The following LDLRAD3 variants were observed in gnomAD, a reference collection of about 807,000 sequenced individuals.
The protein encoded by LDLRAD3 is low-density lipoprotein receptor class A domain-containing protein 3.
LDLRAD3 carries 20 observed loss-of-function variants against 29.4 expected under a neutral mutation model. The ratio of observed to expected loss-of-function variants is 0.68; its 90% confidence interval spans 0.48 to 0.99. LDLRAD3 has a LOEUF of 0.99. Ranked by LOEUF, LDLRAD3 falls within the 50% of genes least tolerant of loss-of-function variation. LDLRAD3 has a pLI of 0.00. For missense variants in LDLRAD3, 420 were observed against 454.3 expected (o/e 0.92, Z 0.69); for synonymous variants, 157 against 192.7 (o/e 0.81, Z 1.53).
intron 1 of LDLRAD3, among the ~76,000 whole-genome samples, chr11:35,981,677 C>T (rs1851543707): frequency 5.3e-5 from 8 of 152,138 alleles, no homozygotes. Flanking sequence ...TCCTTGCCTG[C>T]AGTTTGCCAA....
At chr11:36,144,855 G>A (rs1854153259) in intron 4 of LDLRAD3, among the ~76,000 whole-genome samples, 2 of 119,588 alleles carry the variant, frequency 1.7e-5, no homozygotes, top group African/African-American at 6.1e-5. Context: ...AGGGAGGTGG[G>A]GGGGTCAGCC....
intron 1 of LDLRAD3, among the ~76,000 whole-genome samples, chr11:35,969,508 T>C (rs1462097698): frequency 6.6e-6 from 1 of 152,180 alleles, no homozygotes; most frequent in East Asian, 1.9e-4. Context: ...GCGTTTTGGT[T>C]TCCACCGAGC....
chr11:36,191,538 G>A (rs11599931), intron 4 of LDLRAD3, among the ~76,000 whole-genome samples: 1 of 55,694 alleles, frequency 1.8e-5, no homozygotes, highest in Non-Finnish European at 3.2e-5. Flanking sequence ...GCAAGACCCT[G>A]TCTCTCTCTC....
chr11:36,014,948 C>T (rs944462622), intron 1 of LDLRAD3, among the ~76,000 whole-genome samples: 1 of 152,122 alleles, frequency 6.6e-6, no homozygotes, highest in African/African-American at 2.4e-5. Flanking sequence ...TGAAGAACCC[C>T]CTAGGATTCC....
chr11:35,982,806 G>A (rs189848586), intron 1 of LDLRAD3, among the ~76,000 whole-genome samples: 4 of 148,332 alleles, frequency 2.7e-5, no homozygotes, highest in African/African-American at 7.5e-5. Flanking sequence ...CAAGGCCACT[G>A]CTTGTGACAT....
chr11:36,110,660 G>C (rs990586402), intron 4 of LDLRAD3, among the ~76,000 whole-genome samples: 2 of 152,208 alleles, frequency 1.3e-5, no homozygotes, highest in Non-Finnish European at 2.9e-5. Context: ...ATCATTTGCA[G>C]AGTGCCTGCA....
intron 1 of LDLRAD3, among the ~76,000 whole-genome samples, chr11:35,957,380 A>G (rs1323101008): frequency 1.3e-5 from 2 of 152,216 alleles, no homozygotes; most frequent in Non-Finnish European, 1.5e-5. Context: ...AGCCAGCAAC[A>G]TGCTGCCTCA....
At chr11:36,148,431 C>G (rs968501660) in intron 4 of LDLRAD3, among the ~76,000 whole-genome samples, 2 of 152,108 alleles carry the variant, frequency 1.3e-5, no homozygotes, top group Non-Finnish European at 1.5e-5. Flanking sequence ...GGTGGCAAAT[C>G]CAACTTTTCT....
intron 4 of LDLRAD3, among the ~76,000 whole-genome samples, chr11:36,143,237 A>G (rs1466782790): frequency 1.3e-5 from 2 of 152,152 alleles, no homozygotes; most frequent in African/African-American, 2.4e-5. Flanking sequence ...CCCAGGCACA[A>G]CGCGCTGTCT....
chr11:36,174,204 A>G (rs182118709), intron 4 of LDLRAD3, among the ~76,000 whole-genome samples: 6 of 152,360 alleles, frequency 3.9e-5, no homozygotes, highest in Admixed American at 1.3e-4. Flanking sequence ...ACCTTACACA[A>G]AAATTAATTC....
chr11:36,180,000 A>T (rs563414763), intron 4 of LDLRAD3, among the ~76,000 whole-genome samples: 22 of 152,298 alleles, frequency 1.4e-4, no homozygotes, highest in African/African-American at 5.1e-4. Context: ...GTCTCAAAAA[A>T]ATAAATAATC....
At chr11:35,948,100 T>C (rs768940739) in intron 1 of LDLRAD3, among the ~76,000 whole-genome samples, 1 of 152,154 alleles carries the variant, frequency 6.6e-6, no homozygotes, top group Non-Finnish European at 1.5e-5. Flanking sequence ...GGGTTCGATT[T>C]CTTGACCCGA....
At chr11:36,177,768 G>C (rs1854700631) in intron 4 of LDLRAD3, among the ~76,000 whole-genome samples, 1 of 152,200 alleles carries the variant, frequency 6.6e-6, no homozygotes, top group African/African-American at 2.4e-5. Context: ...TTGTAATTTT[G>C]TATAGTCCGC....
intron 1 of LDLRAD3, among the ~76,000 whole-genome samples, chr11:36,008,229 C>G (rs1179725854): frequency 1.3e-5 from 2 of 152,074 alleles, no homozygotes; most frequent in Non-Finnish European, 2.9e-5. Context: ...AATGGGTAAA[C>G]AAATTGGGTA....
chr11:36,120,991 GC>G (rs1194760998), intron 4 of LDLRAD3, among the ~76,000 whole-genome samples: 6 of 152,110 alleles, frequency 3.9e-5, no homozygotes, highest in Non-Finnish European at 7.3e-5. Flanking sequence ...AGACTTCCCA[GC>G]CTCCAGAACC....
At chr11:36,039,503 AAC>A (rs1852353638) in intron 2 of LDLRAD3, among the ~76,000 whole-genome samples, 1 of 149,386 alleles carries the variant, frequency 6.7e-6, no homozygotes, top group Non-Finnish European at 1.5e-5. Flanking sequence ...TCTGATACTT[AAC>A]AGTGTTGTGA....
chr11:36,180,491 G>T (rs149248740), intron 4 of LDLRAD3, among the ~76,000 whole-genome samples: 8 of 152,302 alleles, frequency 5.3e-5, no homozygotes, highest in Middle Eastern at 6.8e-3. Flanking sequence ...GCTCAAGGAG[G>T]CCTGCGAGGA....
At chr11:36,065,201 T>G (rs1191256093) in intron 2 of LDLRAD3, among the ~76,000 whole-genome samples, 1 of 152,210 alleles carries the variant, frequency 6.6e-6, no homozygotes, top group African/African-American at 2.4e-5. Context: ...GCTCTGTTTT[T>G]AAGTACATGT....
At chr11:36,196,411 G>T (rs1226563478) in intron 4 of LDLRAD3, 3 of 152,216 alleles carry the variant, frequency 2.0e-5, no homozygotes, top group African/African-American at 7.2e-5. Flanking sequence ...TTGAAATGGG[G>T]TAGCAGTTTA....
Sources: gnomAD v4.1 joint callset for allele counts (sites outside exome capture counted in the v4.1 genomes callset) on GRCh38, gnomAD v4.1.1 for gene constraint, MANE v1.5 for transcripts, NCBI Gene and HGNC (gene_info 2026-07-23, HGNC 2026-07-21) for gene names.